The following TP63 variants were observed in gnomAD, a reference collection of about 807,000 sequenced individuals.
The protein encoded by TP63 is tumor protein 63.
Under a neutral mutation model 82.8 loss-of-function variants are expected in TP63, and 17 were observed. That is an observed-to-expected ratio of 0.21 (90% CI 0.14 to 0.31). The LOEUF is 0.31. Among genes scored for constraint, TP63 ranks in the 10% least tolerant of loss-of-function variants. The pLI is 1.00. For missense variants in TP63, 648 were observed against 895.3 expected, an observed-to-expected ratio of 0.72 and a Z score of 3.52; for synonymous variants, 330 against 321.7, an observed-to-expected ratio of 1.03 and a Z score of -0.28.
At chr3:189,780,644 TAGAG>T (rs1228042701) in intron 3 of TP63, among the ~76,000 whole-genome samples, 4 of 152,236 alleles carry the variant, frequency 2.6e-5, no homozygotes, top group African/African-American at 9.6e-5. Flanking sequence ...ACCCCACACT[TAGAG>T]TGAGTGGAAA....
intron 4 of TP63, among the ~76,000 whole-genome samples, chr3:189,852,459 GT>G (rs1715763985): frequency 2.6e-5 from 4 of 152,170 alleles, no homozygotes. Flanking sequence ...AGCATCTTTT[GT>G]TCTAAAGCAT....
chr3:189,803,961 G>A (rs1726594345), intron 3 of TP63, among the ~76,000 whole-genome samples: 1 of 152,158 alleles, frequency 6.6e-6, no homozygotes, highest in Admixed American at 6.5e-5. Flanking sequence ...GGTGTCTGCA[G>A]GGTATGTTAA....
intron 3 of TP63, among the ~76,000 whole-genome samples, chr3:189,766,689 G>A (rs1334581138): frequency 2.0e-5 from 3 of 151,792 alleles, no homozygotes; most frequent in Admixed American, 6.6e-5. Flanking sequence ...AATTAACCTC[G>A]CTAAAAACAT....
chr3:189,723,962 C>T (rs926258571), intron 1 of TP63, among the ~76,000 whole-genome samples: 3 of 151,406 alleles, frequency 2.0e-5, no homozygotes, highest in Admixed American at 2.0e-4. Context: ...ACACCAAAAT[C>T]CTCAGGGGCT....
the TP63 span, among the ~76,000 whole-genome samples, chr3:189,608,337 T>A: frequency 6.6e-6 from 1 of 152,168 alleles, no homozygotes. Flanking sequence ...TTAACTCCCA[T>A]CCTCCTAGCT....
chr3:189,683,229 G>GT (rs1454521302), intron 1 of TP63, among the ~76,000 whole-genome samples: 1 of 152,140 alleles, frequency 6.6e-6, no homozygotes, highest in Non-Finnish European at 1.5e-5. Context: ...AGGTACTGTA[G>GT]TAAGTGCTTT....
At chr3:189,830,849 A>C (rs923627978) in intron 4 of TP63, among the ~76,000 whole-genome samples, 3 of 152,234 alleles carry the variant, frequency 2.0e-5, no homozygotes, top group Non-Finnish European at 4.4e-5. Context: ...TGTTTGAAGA[A>C]GGGAATGAAT....
At chr3:189,695,614 C>G (rs931382236) in intron 1 of TP63, among the ~76,000 whole-genome samples, 4 of 152,154 alleles carry the variant, frequency 2.6e-5, no homozygotes, top group Non-Finnish European at 4.4e-5. Flanking sequence ...ATGCACATAT[C>G]TATAAATATT....
rs1413700069 is a variant in TP63, at chr3:189,763,092, G to GATC, written c.324+24319_324+24320insTCA. Among the ~76,000 whole-genome samples, 3 of 152,194 alleles carry GATC rather than the reference G, an allele frequency of 2.0e-5. No homozygotes were observed. In the East Asian group the frequency reaches 5.8e-4, roughly 30 times the overall value. On this transcript the variant is annotated intron_variant, in intron 3 of 13. Coordinates refer to ENST00000264731, the MANE Select transcript of TP63 (RefSeq NM_003722.5). ...TCAAGATCAGCCAGGGTAACCTAGTGAGACCCCTGTCTCTATAAACAAAAT... is the reference window on the plus strand; with the variant it reads ...TCAAGATCAGCCAGGGTAACCTAGTGATCAGACCCCTGTCTCTATAAACAAAAT...
chr3:189,823,847 C>T (rs147326893), intron 4 of TP63, among the ~76,000 whole-genome samples: 141 of 152,220 alleles, frequency 9.3e-4, no homozygotes, highest in African/African-American at 2.8e-3. Context: ...TGATAGACTT[C>T]GGATAGAGGC....
At chr3:189,800,824 A>G (rs1726225418) in intron 3 of TP63, among the ~76,000 whole-genome samples, 1 of 152,228 alleles carries the variant, frequency 6.6e-6, no homozygotes, top group South Asian at 2.1e-4. Context: ...AAGAGAATTA[A>G]TAATAGTAGA....
At chr3:189,712,349 T>C (rs1238457837) in intron 1 of TP63, among the ~76,000 whole-genome samples, 2 of 152,220 alleles carry the variant, frequency 1.3e-5, no homozygotes, top group African/African-American at 4.8e-5. Context: ...AGCTAGGTTA[T>C]TAATAAGTCT....
At chr3:189,735,131 C>G (rs1035344678) in intron 1 of TP63, among the ~76,000 whole-genome samples, 1 of 152,106 alleles carries the variant, frequency 6.6e-6, no homozygotes, top group African/African-American at 2.4e-5. Context: ...CCATTGAGTA[C>G]TGTTGATTAC....
At chr3:189,638,273 T>G (rs1205557367) in intron 1 of TP63, among the ~76,000 whole-genome samples, 1 of 152,152 alleles carries the variant, frequency 6.6e-6, no homozygotes, top group Non-Finnish European at 1.5e-5. Flanking sequence ...TAACTAAACC[T>G]TCCCATGAAT....
At chr3:189,666,797 A>G (rs77710597) in intron 1 of TP63, among the ~76,000 whole-genome samples, 3,761 of 152,208 alleles carry the variant, frequency 0.025, 71 homozygotes, top group Middle Eastern at 0.045. Context: ...CTCAAGTAAC[A>G]TGAAATGAGT....
chr3:189,816,385 C>T (rs562120354), intron 4 of TP63, among the ~76,000 whole-genome samples: 2 of 152,266 alleles, frequency 1.3e-5, no homozygotes, highest in Admixed American at 1.3e-4. Flanking sequence ...TTTGCACATT[C>T]TCCTGTTCGC....
chr3:189,844,490 T>C (rs976168739), intron 4 of TP63: 10 of 220,028 alleles, frequency 4.5e-5, no homozygotes, highest in Non-Finnish European at 8.6e-5. Context: ...TTCACTATGT[T>C]GTCCAGGCTG....
intron 4 of TP63, among the ~76,000 whole-genome samples, chr3:189,832,711 A>G (rs1040587094): frequency 6.6e-6 from 1 of 152,048 alleles, no homozygotes; most frequent in Non-Finnish European, 1.5e-5. Context: ...CAGGTCAAAA[A>G]CTCCATAAGA....
At chr3:189,870,665 C>G (rs1248419601) in intron 9 of TP63, among the ~76,000 whole-genome samples, 1 of 152,182 alleles carries the variant, frequency 6.6e-6, no homozygotes, top group African/African-American at 2.4e-5. Flanking sequence ...CATTACTTCT[C>G]TTGCAATCAC....
Sources: gnomAD v4.1 joint callset for allele counts (sites outside exome capture counted in the v4.1 genomes callset) on GRCh38, gnomAD v4.1.1 for gene constraint, MANE v1.5 for transcripts, NCBI Gene and HGNC (gene_info 2026-07-23, HGNC 2026-07-21) for gene names.